Variants in MOBP observed in about 807,000 individuals in gnomAD.
MOBP encodes the protein myelin-associated oligodendrocyte basic protein.
MOBP carries 5 observed loss-of-function variants against 15.0 expected under a neutral mutation model. The ratio of observed to expected loss-of-function variants is 0.33; its 90% CI spans 0.17 to 0.70. The LOEUF is 0.70. Among genes scored for constraint, MOBP ranks in the 30% least tolerant of loss-of-function variants. The probability of loss-of-function intolerance (pLI) is 0.67; values close to 1 mark genes in which losing one functional copy is unlikely to be tolerated. For synonymous variants in MOBP, 88 were observed against 99.0 expected, an observed-to-expected ratio of 0.89 and a Z score of 0.66; for missense variants, 188 against 257.8, an observed-to-expected ratio of 0.73 and a Z score of 1.85.
intron 2 of MOBP, 145 bp from the exon 3 acceptor site, chr3:39,501,921 T>A (rs1420873203): frequency 1.6e-6 from 1 of 619,258 alleles, no homozygotes; most frequent in Non-Finnish European, 2.9e-6. Context: ...TGGGGGGAAG[T>A]TGGTCTTCCA....
exon 5 of MOBP, chr3:39,513,521 A>C: frequency 8.0e-7 from 1 of 1,252,208 alleles, no homozygotes; most frequent in Non-Finnish European, 1.1e-6. Context: ...TTCAAATATT[A>C]TGCAGGGGCA....
At chr3:39,468,555 A>G (rs2042376014) in intron 1 of MOBP, among the ~76,000 whole-genome samples, 1 of 152,148 alleles carries the variant, frequency 6.6e-6, no homozygotes, top group African/African-American at 2.4e-5. Context: ...TTTTCAGAAA[A>G]GTTGCAAACA....
intron 2 of MOBP, among the ~76,000 whole-genome samples, chr3:39,496,403 GT>G (rs1356560360): frequency 6.6e-6 from 1 of 151,764 alleles, no homozygotes; most frequent in Non-Finnish European, 1.5e-5. Context: ...GTTTCACCGT[GT>G]TAGCCAGGAT....
downstream of MOBP, chr3:39,528,148 T>C (rs552550581): frequency 1.8e-4 from 27 of 152,288 alleles, no homozygotes; most frequent in African/African-American, 6.5e-4. Context: ...AAGAACATAT[T>C]AAAATAGAGG....
intron 3 of MOBP, among the ~76,000 whole-genome samples, chr3:39,523,797 GA>G (rs1277633969): frequency 6.6e-6 from 1 of 152,138 alleles, no homozygotes; most frequent in East Asian, 1.9e-4. Flanking sequence ...AAAAGACATG[GA>G]GTTATGTAAC....
chr3:39,516,620 C>T (rs545013893), downstream of MOBP, among the ~76,000 whole-genome samples: 1 of 152,172 alleles, frequency 6.6e-6, no homozygotes, highest in African/African-American at 2.4e-5. Flanking sequence ...TTTCAACTCA[C>T]ATCTTTGAAA....
chr3:39,502,317 G>C lies in MOBP; in HGVS notation c.206+42G>C. On this transcript the variant is annotated intron_variant, in intron 3 of 3. Transcript: ENST00000684792. The surrounding 1 kb of genome is among the most constrained non-coding windows in gnomAD (Gnocchi z 6.3). ...CCCCGCGGCACCAGTTGGGCACAGC[G>C]CGTGGTCTCGGCTCCCAGCACGCCC... 5 of 1,611,164 alleles carry C rather than the reference G, an allele frequency of 3.1e-6. No individual in the cohort carries two copies. The highest frequency in any genetic ancestry group is 3.4e-6 in the Non-Finnish European group (4 of 1,178,752).
intron 1 of MOBP, among the ~76,000 whole-genome samples, chr3:39,469,461 A>G (rs935432389): frequency 1.6e-5 from 2 of 125,718 alleles, no homozygotes; most frequent in Non-Finnish European, 3.7e-5. Flanking sequence ...ATTACTATTG[A>G]GAAAATACTG....
chr3:39,489,760 T>C (rs975481478), intron 2 of MOBP, among the ~76,000 whole-genome samples: 1 of 152,188 alleles, frequency 6.6e-6, no homozygotes, highest in East Asian at 1.9e-4. Context: ...CAGAGGGAGC[T>C]ATAAGTTCCT....
downstream of MOBP, chr3:39,527,982 G>A (rs1461026568): frequency 3.9e-5 from 6 of 152,136 alleles, no homozygotes; most frequent in African/African-American, 4.8e-5. Flanking sequence ...GATATGAGCC[G>A]CCTGCATTTT....
In MOBP at chr3:39,502,300, C is replaced by A; in HGVS notation, c.206+25C>A. 6.2e-7 allele frequency: 1 copy of A among 1,613,206 alleles called. No homozygotes were observed. Among genetic ancestry groups the A allele is most frequent in the Non-Finnish European group, 8.5e-7 (1 of 1,179,662 alleles). ...GGTAAGCGGCCGCCCAGCCCCGCGG[C>A]ACCAGTTGGGCACAGCGCGTGGTCT... is the stretch of plus-strand genomic sequence containing the variant. On this transcript the variant is annotated intron_variant, in intron 3 of 3. Transcript: ENST00000684792. The surrounding 1 kb of genome is among the most constrained non-coding windows in gnomAD (Gnocchi z 6.3).
exon 5 of MOBP, chr3:39,513,529 G>T: frequency 2.6e-6 from 3 of 1,141,118 alleles, no homozygotes; most frequent in East Asian, 5.0e-5. Context: ...TTATGCAGGG[G>T]CAAACACCTG....
At chr3:39,510,411 T>A (rs1032111559) in intron 4 of MOBP, among the ~76,000 whole-genome samples, 1 of 152,142 alleles carries the variant, frequency 6.6e-6, no homozygotes, top group African/African-American at 2.4e-5. Flanking sequence ...ATAAATCAAT[T>A]TGGGGAAAAC....
At chr3:39,500,281 GC>G (rs1444565185) in intron 2 of MOBP, among the ~76,000 whole-genome samples, 1 of 152,226 alleles carries the variant, frequency 6.6e-6, no homozygotes, top group Non-Finnish European at 1.5e-5. Flanking sequence ...TGTGAACTGA[GC>G]ACTGTGCCAG....
At chr3:39,487,257 T>C (rs1027312640) in intron 2 of MOBP, among the ~76,000 whole-genome samples, 5 of 152,134 alleles carry the variant, frequency 3.3e-5, no homozygotes, top group African/African-American at 1.2e-4. Context: ...GTTTTTAATT[T>C]TGATGTAATC....
chr3:39,494,805 C>T (rs1242660699), intron 2 of MOBP, among the ~76,000 whole-genome samples: 3 of 118,678 alleles, frequency 2.5e-5, no homozygotes, highest in Non-Finnish European at 3.3e-5. Context: ...CCCCGAGTTA[C>T]GTGTTGTTAT....
chr3:39,509,104 GTA>G (rs60812063), intron 4 of MOBP, among the ~76,000 whole-genome samples: 98,963 of 133,012 alleles, frequency 0.74, 34,453 homozygotes, highest in Non-Finnish European at 0.81. Flanking sequence ...GTGTGTGTGT[GTA>G]TATATATATA....
downstream of MOBP, chr3:39,525,088 G>T (rs1252581351): frequency 6.6e-6 from 1 of 151,540 alleles, no homozygotes; most frequent in Non-Finnish European, 1.5e-5. Flanking sequence ...AAAGTAAAAG[G>T]GTATCCCAAA....
At chr3:39,512,585 G>T (rs2043133779) in intron 4 of MOBP, among the ~76,000 whole-genome samples, 1 of 152,086 alleles carries the variant, frequency 6.6e-6, no homozygotes, top group Admixed American at 6.5e-5. Flanking sequence ...AAATGGTATT[G>T]CTAATATCTG....
Sources: allele counts gnomAD v4.1 joint callset (sites outside exome capture counted in the v4.1 genomes callset), GRCh38; gene constraint gnomAD v4.1.1; non-coding constraint Gnocchi (gnomAD v3.1); transcripts MANE v1.5; gene names NCBI Gene and HGNC (gene_info 2026-07-23, HGNC 2026-07-21).